The following CCDC171 variants were observed in gnomAD, a reference collection of about 807,000 sequenced individuals.
CCDC171 encodes coiled-coil domain-containing protein 171.
Under a neutral mutation model 168.2 loss-of-function variants are expected in CCDC171, and 177 were observed. The ratio of observed to expected loss-of-function variants is 1.05; its 90% CI spans 0.93 to 1.19. The LOEUF (loss-of-function observed/expected upper bound fraction) is 1.19. Among genes scored for constraint, CCDC171 ranks in the 50% most tolerant of loss-of-function variants. The pLI, the probability that CCDC171 is intolerant of heterozygous loss-of-function variation, is 0.00. For missense variants in CCDC171, 1,991 were observed against 1,539.0 expected (o/e 1.29, Z -4.91); for synonymous variants, 687 against 540.8 (o/e 1.27, Z -3.75).
At chr9:16,075,262 C>A in the CCDC171 span, among the ~76,000 whole-genome samples, 2 of 152,144 alleles carry the variant, frequency 1.3e-5, no homozygotes, top group Admixed American at 6.5e-5. Context: ...TTGGCTGTAT[C>A]CTGTTGTTTT....
At chr9:15,990,588 A>T (rs924875328) in intron 3 of CCDC171, among the ~76,000 whole-genome samples, 2 of 152,188 alleles carry the variant, frequency 1.3e-5, no homozygotes, top group Non-Finnish European at 2.9e-5. Flanking sequence ...TTAACCATAA[A>T]TGTAAATGGG....
At chr9:15,702,844 T>G (rs2051866515) in intron 11 of CCDC171, among the ~76,000 whole-genome samples, 1 of 152,162 alleles carries the variant, frequency 6.6e-6, no homozygotes, top group Admixed American at 6.5e-5. Context: ...TCACCTTTTC[T>G]TCTGCAGCTT....
chr9:15,580,629 A>G (rs1208966038), intron 4 of CCDC171, among the ~76,000 whole-genome samples: 5 of 152,084 alleles, frequency 3.3e-5, no homozygotes, highest in African/African-American at 1.2e-4. Context: ...ATATGAAAAA[A>G]TGTTCAATAT....
chr9:16,091,673 C>T, the CCDC171 span, among the ~76,000 whole-genome samples: 2 of 152,174 alleles, frequency 1.3e-5, no homozygotes, highest in Non-Finnish European at 2.9e-5. Context: ...CTGGGAATAC[C>T]TGCAGTTGCA....
intron 25 of CCDC171, among the ~76,000 whole-genome samples, chr9:15,936,132 G>A (rs1197404933): frequency 6.6e-6 from 1 of 152,046 alleles, no homozygotes; most frequent in Non-Finnish European, 1.5e-5. Context: ...TTCCAGTGGA[G>A]GACTATGCTT....
chr9:16,014,814 A>G (rs1832968574), intron 3 of CCDC171, among the ~76,000 whole-genome samples: 1 of 152,210 alleles, frequency 6.6e-6, no homozygotes, highest in Admixed American at 6.5e-5. Flanking sequence ...TCGGTAAACC[A>G]TGCTATAAAC....
chr9:15,865,855 TGTG>T (rs2061760549), intron 23 of CCDC171, among the ~76,000 whole-genome samples: 2 of 147,096 alleles, frequency 1.4e-5, no homozygotes, highest in Admixed American at 1.4e-4. Context: ...CGTGCGTGTG[TGTG>T]TGTGTGTGTG....
the CCDC171 span, among the ~76,000 whole-genome samples, chr9:16,076,349 G>T: frequency 6.6e-6 from 1 of 152,234 alleles, no homozygotes; most frequent in Admixed American, 6.5e-5. Flanking sequence ...GTTCCACCAT[G>T]TATTTAGTCA....
At chr9:15,575,766 T>C (rs964379374) in intron 3 of CCDC171, among the ~76,000 whole-genome samples, 9 of 152,234 alleles carry the variant, frequency 5.9e-5, no homozygotes, top group African/African-American at 2.2e-4. Context: ...GTATCATCAA[T>C]AGAAATCACA....
chr9:16,007,238 T>C (rs910470757), intron 3 of CCDC171, among the ~76,000 whole-genome samples: 13 of 152,162 alleles, frequency 8.5e-5, no homozygotes, highest in African/African-American at 2.9e-4. Flanking sequence ...TTCTTTTGAG[T>C]AGTGTCTGTT....
intron 18 of CCDC171, among the ~76,000 whole-genome samples, chr9:15,767,070 A>T (rs551855382): frequency 6.6e-6 from 1 of 152,250 alleles, no homozygotes; most frequent in Non-Finnish European, 1.5e-5. Context: ...ATACATGACG[A>T]AAGTTTTTTT....
chr9:15,617,250 C>A (rs555077052), intron 6 of CCDC171, among the ~76,000 whole-genome samples: 2 of 152,082 alleles, frequency 1.3e-5, no homozygotes, highest in South Asian at 4.2e-4. Context: ...TGCGATCATT[C>A]GGAGGAGAAA....
chr9:15,980,927 C>G (rs973268848), intron 3 of CCDC171, among the ~76,000 whole-genome samples: 1 of 151,266 alleles, frequency 6.6e-6, no homozygotes, highest in Non-Finnish European at 1.5e-5. Flanking sequence ...ACCTACAGTT[C>G]CATGTGGTTG....
intron 3 of CCDC171, among the ~76,000 whole-genome samples, chr9:15,989,771 G>A (rs1832124747): frequency 6.6e-6 from 1 of 152,052 alleles, no homozygotes; most frequent in Admixed American, 6.6e-5. Flanking sequence ...ACGAGAACTA[G>A]GTGACAAATG....
At chr9:15,967,544 C>A (rs1331870294) in intron 25 of CCDC171, among the ~76,000 whole-genome samples, 2 of 152,012 alleles carry the variant, frequency 1.3e-5, no homozygotes, top group South Asian at 4.1e-4. Flanking sequence ...GGTTAATGTC[C>A]CTCAAAAAAG....
At chr9:15,570,542 G>A (rs904979137) in intron 2 of CCDC171, among the ~76,000 whole-genome samples, 9 of 152,036 alleles carry the variant, frequency 5.9e-5, no homozygotes, top group African/African-American at 7.3e-5. Flanking sequence ...GAAAAGTAGG[G>A]GCTTAACCTA....
At chr9:15,943,350 G>A (rs1477555723) in intron 25 of CCDC171, among the ~76,000 whole-genome samples, 3 of 151,960 alleles carry the variant, frequency 2.0e-5, no homozygotes, top group Non-Finnish European at 4.4e-5. Context: ...GACACATATA[G>A]GGTACATTAG....
At chr9:15,662,839 G>A (rs1360700239) in intron 8 of CCDC171, among the ~76,000 whole-genome samples, 1 of 151,850 alleles carries the variant, frequency 6.6e-6, no homozygotes. Context: ...AAATTAGCTG[G>A]GTGTGGTGGC....
chr9:16,060,915 T>G (rs1283947501), exon 2 of CCDC171: 1 of 152,250 alleles, frequency 6.6e-6, no homozygotes, highest in Non-Finnish European at 1.5e-5. Flanking sequence ...CTTGTCATTC[T>G]TTCATGTGTC....
Sources: allele counts gnomAD v4.1 joint callset (sites outside exome capture counted in the v4.1 genomes callset), GRCh38; gene constraint gnomAD v4.1.1; transcripts MANE v1.5; gene names NCBI Gene and HGNC (gene_info 2026-07-23, HGNC 2026-07-21).